Variants in ERCC1 observed in about 807,000 individuals in gnomAD.
The protein encoded by ERCC1 is DNA excision repair protein ERCC-1.
Under a neutral mutation model 37.6 loss-of-function variants are expected in ERCC1, and 36 were observed. The ratio of observed to expected loss-of-function variants is 0.96; its 90% CI spans 0.73 to 1.26. The LOEUF (loss-of-function observed/expected upper bound fraction) is 1.26, where lower values mean the gene tolerates loss of function less well. Among genes scored for constraint, ERCC1 ranks in the 50% most tolerant of loss-of-function variants. The pLI is 0.00. For synonymous variants in ERCC1, 156 were observed against 162.1 expected, an observed-to-expected ratio of 0.96 and a Z score of 0.28; for missense variants, 349 against 376.5, an observed-to-expected ratio of 0.93 and a Z score of 0.60.
At position 45,423,904 on chromosome 19, in the gene ERCC1, C is replaced by G; in HGVS notation, c.-131G>C. 4 of 1,104,720 alleles carry G rather than the reference C, an allele frequency of 3.6e-6. No homozygotes were observed. Among genetic ancestry groups the G allele is most frequent in the Non-Finnish European group, 4.4e-6 (4 of 900,936 alleles). 68.4% of individuals were successfully genotyped at this position (1,104,720 alleles called of 1,614,324 possible). On this transcript the variant is annotated 5_prime_UTR_variant, in exon 1 of 10. Transcript: ENST00000300853. ...CCAGCACGGCCAGCGTGGCCCAGGG[C>G]TCGCAGCACTTCCGGCCTCTCTGGC... is the stretch of plus-strand genomic sequence containing the variant.
At chr19:45,430,061 G>A (rs1974795274) in intron 1 of ERCC1, among the ~76,000 whole-genome samples, 1 of 152,286 alleles carries the variant, frequency 6.6e-6, no homozygotes, top group Non-Finnish European at 1.5e-5. Context: ...TGGGATTACA[G>A]GCATGAGCCA....
upstream of ERCC1, among the ~76,000 whole-genome samples, chr19:45,428,154 C>A (rs1487917500): frequency 6.9e-6 from 1 of 144,048 alleles, no homozygotes; most frequent in Non-Finnish European, 1.5e-5. Context: ...TGCGATCACA[C>A]CTCACTGCAG....
rs769322750 is a variant in ERCC1 at position 45,408,571 on chromosome 19, G to A, written c.*1104C>T. On this transcript the variant is annotated 3_prime_UTR_variant, in exon 10 of 10. Coordinates refer to ENST00000300853, the MANE Select transcript of ERCC1 (RefSeq NM_001983.4). ...GGCACGGGGCCCTGGAGGTGGACAT[G>A]GCTTTGGGGTCGCCAGAAATGGATG... 8 of 1,613,836 alleles carry A rather than the reference G, an allele frequency of 5.0e-6. No individual in the cohort carries two copies. Among genetic ancestry groups the A allele is most frequent in the Non-Finnish European group, 5.9e-6 (7 of 1,180,038 alleles).
rs958508562 is a variant in ERCC1 at position 45,409,731 on chromosome 19, T to A, written c.844-6A>T. The A allele has an allele frequency of 7.4e-6, 6 of 810,752 alleles. No homozygotes were observed. Among genetic ancestry groups the A allele is most frequent in the Non-Finnish European group, 1.3e-5 (6 of 447,754 alleles). The allele number at this position is 810,752 out of a possible 1,614,324, so 50.2% of individuals were successfully genotyped here. A position where few individuals can be genotyped will look rare whatever the true frequency, so the allele number is the denominator to read the frequency against. On this transcript the variant is annotated splice_polypyrimidine_tract_variant and splice_region_variant and intron_variant, in intron 9 of 9. Transcript: ENST00000300853. ...ACATCAAACAGCCTCCGGGCCTGGA[T>A]GGGAGGGAGAAAAAAATGAGGAACC...
chr19:45,431,781 C>T (rs1387768146), intron 1 of ERCC1, among the ~76,000 whole-genome samples: 1 of 151,706 alleles, frequency 6.6e-6, no homozygotes, highest in Non-Finnish European at 1.5e-5. Context: ...TTCTCAGCTG[C>T]TTGGGAGGTT....
At chr19:45,434,146 A>ACC (rs1974908746) in intron 1 of ERCC1, among the ~76,000 whole-genome samples, 1 of 118,448 alleles carries the variant, frequency 8.4e-6, no homozygotes, top group Admixed American at 8.8e-5. Context: ...TCTCACACAC[A>ACC]CACACACACA....
At chr19:45,444,750 A>G (rs1266800210) in intron 1 of ERCC1, among the ~76,000 whole-genome samples, 2 of 152,202 alleles carry the variant, frequency 1.3e-5, no homozygotes, top group Non-Finnish European at 1.5e-5. Context: ...CACAGAAATA[A>G]TGCAGTTACA....
At chr19:45,428,018 G>T (rs149478932), upstream of ERCC1, among the ~76,000 whole-genome samples, 158 of 151,782 alleles carry the variant, frequency 1.0e-3, no homozygotes, top group African/African-American at 3.7e-3. Context: ...TTTCCAAGTT[G>T]GCAAGTTGGA....
At chr19:45,419,719 AG>A (rs752676519) in intron 4 of ERCC1, among the ~76,000 whole-genome samples, 9 of 152,084 alleles carry the variant, frequency 5.9e-5, no homozygotes, top group Non-Finnish European at 8.8e-5. Flanking sequence ...CCTAGGTTGG[AG>A]GGGAAAGTTG....
upstream of ERCC1, among the ~76,000 whole-genome samples, chr19:45,424,922 C>CTTTTTTTTTTTTT (rs986137310): frequency 8.2e-6 from 1 of 121,898 alleles, no homozygotes; most frequent in African/African-American, 3.2e-5. Context: ...TCTTTTTTTT[C>CTTTTTTTTTTTTT]TTTTTTTTTT....
intron 5 of ERCC1, among the ~76,000 whole-genome samples, chr19:45,418,053 C>A (rs539531473): frequency 6.6e-6 from 1 of 151,842 alleles, no homozygotes; most frequent in East Asian, 1.9e-4. Context: ...ATAGCAAGAC[C>A]CTGTCTCTAA....
In ERCC1 at chr19:45,409,682, A is replaced by T. The variant is rs199908411; in HGVS notation, c.887T>A (p.Val296Glu). The change falls in exon 10 of 10, where the codon GTA (valine) becomes GAA (glutamate). Residue 296 changes from valine (V) to glutamate (E), a missense_variant. By Grantham distance (121) the Val-to-Glu change is moderately radical. Transcript: ENST00000300853. ...FDVLHEPFLK[V>E]P ...CCTTGGCAGCTGGGGTCATCAGGGTACTTTCAAGAAGGGCTCGTGCAGGAC... is the reference window on the plus strand; with the variant it reads ...CCTTGGCAGCTGGGGTCATCAGGGTTCTTTCAAGAAGGGCTCGTGCAGGAC... 1 of 1,134,056 alleles carries T rather than the reference A, an allele frequency of 8.8e-7. No homozygotes were observed. Among genetic ancestry groups the T allele is most frequent in the East Asian group, 2.3e-5 (1 of 42,700 alleles). The allele number at this position is 1,134,056 out of a possible 1,614,324, so 70.2% of individuals were successfully genotyped here.
intron 1 of ERCC1, among the ~76,000 whole-genome samples, chr19:45,433,740 G>A (rs531790554): frequency 4.6e-4 from 70 of 151,796 alleles, no homozygotes; most frequent in African/African-American, 1.6e-3. Flanking sequence ...AACCTGATTA[G>A]TGTCATGAAG....
chr19:45,413,672 C>A lies in ERCC1; in HGVS notation c.843+5G>T. 6.2e-7 allele frequency: 1 copy of A among 1,614,182 alleles called. No individual in the cohort carries two copies. The highest frequency in any genetic ancestry group is 8.5e-7 in the Non-Finnish European group (1 of 1,180,036). On this transcript the variant is annotated splice_donor_5th_base_variant and intron_variant, in intron 9 of 9. Transcript: ENST00000300853. Reference sequence around the variant, plus strand: ...ACTCCTTGGGTTCTTTCCCAGAGCTCTTACTTTCTGAGGGCCCAGGCCTGG... The same window carrying A: ...ACTCCTTGGGTTCTTTCCCAGAGCTATTACTTTCTGAGGGCCCAGGCCTGG...
At chr19:45,444,868 G>A (rs1002329892) in intron 1 of ERCC1, among the ~76,000 whole-genome samples, 2 of 152,178 alleles carry the variant, frequency 1.3e-5, no homozygotes, top group Non-Finnish European at 2.9e-5. Flanking sequence ...CTCTGACTCT[G>A]TTTCTGTATT....
chr19:45,422,706 G>A (rs1397044598), intron 2 of ERCC1, among the ~76,000 whole-genome samples: 1 of 152,070 alleles, frequency 6.6e-6, no homozygotes, highest in East Asian at 1.9e-4. Flanking sequence ...GCAGTGAGCC[G>A]AGATGGTGCC....
rs907528831 is a variant in ERCC1, at chr19:45,438,219, A to AT, written c.-7-14839dup. Among the ~76,000 whole-genome samples the AT allele has an allele frequency of 1.0e-3, 152 of 151,652 alleles. 1 individual carries two copies. The highest frequency in any genetic ancestry group is 3.4e-3 in the African/African-American group (142 of 41,308). On this transcript the variant is annotated intron_variant, in intron 1 of 8. Transcript: ENST00000423698. Reference sequence around the variant, plus strand: ...GCCACTGTGCCCGGCCTCTCATCTGATTTTTTTTATTTTTATTATTGTGCT... The same window carrying AT: ...GCCACTGTGCCCGGCCTCTCATCTGATTTTTTTTTATTTTTATTATTGTGCT...
At chr19:45,431,432 A>G (rs373012000) in intron 1 of ERCC1, among the ~76,000 whole-genome samples, 2 of 152,134 alleles carry the variant, frequency 1.3e-5, no homozygotes, top group African/African-American at 4.8e-5. Flanking sequence ...TAATCCCAGC[A>G]CTTTGGGAGA....
chr19:45,442,465 C>T (rs1287379040), intron 1 of ERCC1, among the ~76,000 whole-genome samples: 7 of 152,160 alleles, frequency 4.6e-5, no homozygotes, highest in Non-Finnish European at 1.0e-4. Flanking sequence ...TGAGCTCTCA[C>T]GATGTCCCTG....
Sources: gnomAD v4.1 joint callset for allele counts (sites outside exome capture counted in the v4.1 genomes callset) on GRCh38, gnomAD v4.1.1 for gene constraint, MANE v1.5 for transcripts, NCBI Gene and HGNC (gene_info 2026-07-23, HGNC 2026-07-21) for gene names.